Variants in SLC20A2 observed in about 807,000 individuals in gnomAD.
SLC20A2 encodes the protein solute carrier family 20 member 2.
A neutral mutation model predicts 61.0 loss-of-function variants in SLC20A2; 30 were observed. The ratio of observed to expected loss-of-function variants is 0.49; its 90% CI spans 0.37 to 0.67. The LOEUF is 0.67. Ranked by LOEUF, SLC20A2 falls within the 30% of genes least tolerant of loss-of-function variation. The pLI, the probability that SLC20A2 is intolerant of heterozygous loss-of-function variation, is 0.00. For synonymous variants in SLC20A2, 351 were observed against 353.3 expected, an observed-to-expected ratio of 0.99 and a Z score of 0.07; for missense variants, 626 against 866.4, an observed-to-expected ratio of 0.72 and a Z score of 3.48.
Position 42,463,241 on chromosome 8 carries a change from T to C in SLC20A2, c.431-151A>G, listed in dbSNP as rs563899428. On this transcript the variant is annotated intron_variant, in intron 3 of 10. Transcript: ENST00000520262. The stretch of plus-strand genomic sequence containing the variant: ...CTTTAATTCAGAACCTAACAAGCCC[T>C]GTGACTTGGCAGAGCTGACCTTCAC... 4.2e-4 allele frequency: 226 copies of C among 536,106 alleles called. 1 individual carries two copies. In the South Asian group the frequency reaches 6.0e-3, roughly 14 times the overall value. The allele number at this position is 536,106 out of a possible 1,614,324, so 33.2% of individuals were successfully genotyped here.
At chr8:42,479,925 G>A (rs1002577287) in intron 1 of SLC20A2, among the ~76,000 whole-genome samples, 5 of 152,308 alleles carry the variant, frequency 3.3e-5, no homozygotes, top group African/African-American at 4.8e-5. Context: ...GCACTCAGGG[G>A]GTATGGGTGC....
intron 5 of SLC20A2, among the ~76,000 whole-genome samples, chr8:42,451,072 G>A (rs1261959908): frequency 6.6e-6 from 1 of 152,156 alleles, no homozygotes; most frequent in Non-Finnish European, 1.5e-5. Context: ...AAGCCAACTG[G>A]CAGCCTGAGA....
At chr8:42,456,654 C>T (rs1806219329) in intron 5 of SLC20A2, among the ~76,000 whole-genome samples, 1 of 150,804 alleles carries the variant, frequency 6.6e-6, no homozygotes, top group South Asian at 2.1e-4. Flanking sequence ...ATTGCTTGAA[C>T]CTGGGAGGCA....
intron 5 of SLC20A2, among the ~76,000 whole-genome samples, chr8:42,458,608 G>GAA (rs1245776628): frequency 9.3e-5 from 6 of 64,192 alleles, no homozygotes; most frequent in Admixed American, 1.8e-4. Context: ...GGGCAATAAA[G>GAA]AAAAAAAAAA....
upstream of SLC20A2, among the ~76,000 whole-genome samples, chr8:42,503,423 T>C (rs1810442820): frequency 6.6e-6 from 1 of 152,196 alleles, no homozygotes; most frequent in Non-Finnish European, 1.5e-5. Context: ...AGAAAATTAC[T>C]ATGTTTATGA....
chr8:42,433,941 A>G (rs570334946), intron 8 of SLC20A2, among the ~76,000 whole-genome samples: 2 of 152,316 alleles, frequency 1.3e-5, no homozygotes, highest in South Asian at 2.1e-4. Flanking sequence ...CCTGTTTTCC[A>G]TAGTGGTTAC....
intron 3 of SLC20A2, 90 bp from the exon 4 acceptor site, chr8:42,463,180 T>TG: frequency 4.3e-6 from 3 of 703,102 alleles, no homozygotes; most frequent in Non-Finnish European, 7.1e-6. Context: ...ACAAAATGTA[T>TG]TACATACATT....
At chr8:42,464,092 C>CTTTTTTTTTTTTTGT (rs1806936593) in intron 3 of SLC20A2, among the ~76,000 whole-genome samples, 1 of 20,540 alleles carries the variant, frequency 4.9e-5, no homozygotes, top group African/African-American at 1.3e-4. Flanking sequence ...GCTGGATGAT[C>CTTTTTTTTTTTTTGT]TTTTTTTTTT....
chr8:42,519,024 T>C (rs2131394910), intron 1 of SLC20A2, among the ~76,000 whole-genome samples: 1 of 152,364 alleles, frequency 6.6e-6, no homozygotes, highest in East Asian at 1.9e-4. Flanking sequence ...AGTAGTCTAA[T>C]GCACAGAGGA....
chr8:42,519,067 G>A (rs1811487857), intron 1 of SLC20A2, among the ~76,000 whole-genome samples: 1 of 152,218 alleles, frequency 6.6e-6, no homozygotes, highest in South Asian at 2.1e-4. Flanking sequence ...ACTGTAAGGT[G>A]CTGAAATTTG....
chr8:42,472,283 G>A lies in SLC20A2; in HGVS notation c.108C>T (p.Ala36=), dbSNP rs756593729. Residue 36 remains alanine (A), a synonymous_variant, in exon 2 of 11, where the codon GCC becomes GCT. Transcript: ENST00000520262. This position sits in a 1 kb window ranked among gnomAD's most constrained non-coding sequence, Gnocchi z 4.1. ...TCAAGGTCACCACACCAGAGCCCACGGCTGTACCAAAGGAGTTGGCAACAT... is the reference window on the plus strand; with the variant it reads ...TCAAGGTCACCACACCAGAGCCCACAGCTGTACCAAAGGAGTTGGCAACAT... The part of the protein sequence containing the change: ...ANDVANSFGT[A]VGSGVVTLRQ... The A allele has an allele frequency of 1.9e-5, 31 of 1,613,972 alleles. No individual in the cohort carries two copies. The highest frequency in any genetic ancestry group is 1.6e-4 in the Middle Eastern group (1 of 6,084).
intron 1 of SLC20A2, among the ~76,000 whole-genome samples, chr8:42,517,663 C>T (rs1234887623): frequency 6.6e-6 from 1 of 152,084 alleles, no homozygotes; most frequent in Non-Finnish European, 1.5e-5. Context: ...TCTAGGGCCT[C>T]TGGAAAACAT....
intron 1 of SLC20A2, among the ~76,000 whole-genome samples, chr8:42,494,415 T>C (rs186024348): frequency 2.8e-4 from 43 of 152,276 alleles, no homozygotes; most frequent in Admixed American, 2.7e-3. Context: ...TCTATGCTTA[T>C]TGAAGAAAAA....
At chr8:42,458,466 A>G (rs1806379013) in intron 5 of SLC20A2, among the ~76,000 whole-genome samples, 1 of 151,850 alleles carries the variant, frequency 6.6e-6, no homozygotes, top group South Asian at 2.1e-4. Flanking sequence ...TCTACAAAAA[A>G]TAAAAAATTA....
At chr8:42,512,117 T>C (rs974571427) in intron 1 of SLC20A2, among the ~76,000 whole-genome samples, 10 of 152,182 alleles carry the variant, frequency 6.6e-5, no homozygotes, top group African/African-American at 2.4e-4. Context: ...ATTAATGCTT[T>C]CATTTTAAGA....
At chr8:42,519,561 C>T (rs1204282584) in intron 1 of SLC20A2, among the ~76,000 whole-genome samples, 1 of 152,054 alleles carries the variant, frequency 6.6e-6, no homozygotes, top group African/African-American at 2.4e-5. Context: ...TTTGAATATG[C>T]AGTTGGGGTC....
At chr8:42,425,794 G>A (rs1293133213) in intron 10 of SLC20A2, among the ~76,000 whole-genome samples, 1 of 152,134 alleles carries the variant, frequency 6.6e-6, no homozygotes, top group African/African-American at 2.4e-5. Context: ...TGTAATCCCA[G>A]CACTTTGGGA....
chr8:42,450,583 G>A (rs1805568652), intron 5 of SLC20A2, among the ~76,000 whole-genome samples: 1 of 151,652 alleles, frequency 6.6e-6, no homozygotes, highest in Non-Finnish European at 1.5e-5. Flanking sequence ...GAATGCAGTG[G>A]CTCAATCTCC....
chr8:42,449,236 T>C (rs1805467000), intron 5 of SLC20A2, among the ~76,000 whole-genome samples: 1 of 152,078 alleles, frequency 6.6e-6, no homozygotes, highest in African/African-American at 2.4e-5. Flanking sequence ...TCGTGTTCAC[T>C]CAGCCAAAAG....
Sources: allele counts gnomAD v4.1 joint callset (sites outside exome capture counted in the v4.1 genomes callset), GRCh38; gene constraint gnomAD v4.1.1; non-coding constraint Gnocchi (gnomAD v3.1); transcripts MANE v1.5; gene names NCBI Gene and HGNC (gene_info 2026-07-23, HGNC 2026-07-21).